LRMDA: variants seen among roughly 807,000 people sequenced by gnomAD.
LRMDA encodes the protein leucine rich melanocyte differentiation associated.
A neutral mutation model predicts 29.8 loss-of-function variants in LRMDA; 18 were observed. That is an observed-to-expected ratio of 0.60 (90% CI 0.42 to 0.90). The LOEUF is 0.90. Among genes scored for constraint, LRMDA ranks in the 40% least tolerant of loss-of-function variants. The pLI, the probability that LRMDA is intolerant of heterozygous loss-of-function variation, is 0.00. For synonymous variants in LRMDA, 125 were observed against 109.4 expected, an observed-to-expected ratio of 1.14 and a Z score of -0.89; for missense variants, 273 against 273.9, an observed-to-expected ratio of 1.00 and a Z score of 0.02.
intron 6 of LRMDA, among the ~76,000 whole-genome samples, chr10:76,418,921 G>A (rs1189011612): frequency 2.6e-5 from 4 of 151,924 alleles, no homozygotes; most frequent in African/African-American, 9.7e-5. Flanking sequence ...TTTTAAAATA[G>A]ACTTTATTTT....
intron 6 of LRMDA, among the ~76,000 whole-genome samples, chr10:76,376,921 T>G (rs1002673157): frequency 7.6e-6 from 1 of 131,846 alleles, no homozygotes; most frequent in Non-Finnish European, 1.5e-5. Context: ...AGTCTCGCTC[T>G]GTTGCCCAGG....
intron 6 of LRMDA, among the ~76,000 whole-genome samples, chr10:76,458,320 T>C (rs544131623): frequency 4.3e-4 from 65 of 152,296 alleles, no homozygotes; most frequent in African/African-American, 1.5e-3. Context: ...TTAATACTGT[T>C]TTCATTTCCA....
At chr10:76,180,141 GA>G (rs1016331768) in intron 5 of LRMDA, among the ~76,000 whole-genome samples, 2 of 151,506 alleles carry the variant, frequency 1.3e-5, no homozygotes, top group East Asian at 3.9e-4. Flanking sequence ...TGATGATAGG[GA>G]AAAAAAAGGC....
At chr10:75,620,281 C>T (rs1266085636) in intron 2 of LRMDA, among the ~76,000 whole-genome samples, 4 of 152,136 alleles carry the variant, frequency 2.6e-5, no homozygotes, top group Non-Finnish European at 1.5e-5. Context: ...AAAAGTTGTA[C>T]AATTCAGGCA....
At chr10:76,399,618 G>T (rs932159320) in intron 6 of LRMDA, among the ~76,000 whole-genome samples, 1 of 152,140 alleles carries the variant, frequency 6.6e-6, no homozygotes, top group African/African-American at 2.4e-5. Flanking sequence ...AGTATTCTAG[G>T]ATCTCGAATT....
At chr10:75,679,329 C>T (rs567340849) in intron 2 of LRMDA, among the ~76,000 whole-genome samples, 9 of 152,112 alleles carry the variant, frequency 5.9e-5, no homozygotes, top group South Asian at 2.1e-4. Context: ...TTCATTCCTG[C>T]GACCTCAGAG....
chr10:75,609,298 TTTG>T (rs1341759144), intron 2 of LRMDA, among the ~76,000 whole-genome samples: 3 of 152,194 alleles, frequency 2.0e-5, no homozygotes, highest in Non-Finnish European at 4.4e-5. Flanking sequence ...ACACTGTTAA[TTTG>T]TAGGGCTGTT....
chr10:76,084,047 G>A (rs752418554), intron 5 of LRMDA, among the ~76,000 whole-genome samples: 1 of 152,106 alleles, frequency 6.6e-6, no homozygotes, highest in Non-Finnish European at 1.5e-5. Context: ...ATTCATGAAC[G>A]GAGGAAGACT....
chr10:76,356,340 C>T (rs916323759), intron 6 of LRMDA, among the ~76,000 whole-genome samples: 3 of 152,106 alleles, frequency 2.0e-5, no homozygotes, highest in Non-Finnish European at 4.4e-5. Flanking sequence ...GTTTATTTAG[C>T]GAAGCAATAC....
At chr10:75,523,373 A>G (rs1194713786) in intron 2 of LRMDA, among the ~76,000 whole-genome samples, 1 of 152,198 alleles carries the variant, frequency 6.6e-6, no homozygotes, top group African/African-American at 2.4e-5. Flanking sequence ...CAGAGCAGCC[A>G]GTAATTACCA....
chr10:75,695,189 A>G (rs1369580817), intron 2 of LRMDA, among the ~76,000 whole-genome samples: 1 of 152,150 alleles, frequency 6.6e-6, no homozygotes, highest in Admixed American at 6.5e-5. Context: ...CCTTAAAGCA[A>G]GAAATACCCT....
chr10:75,753,165 C>A (rs1842988012), intron 2 of LRMDA, among the ~76,000 whole-genome samples: 1 of 152,096 alleles, frequency 6.6e-6, no homozygotes, highest in Non-Finnish European at 1.5e-5. Context: ...TAAAGCCCTA[C>A]AAAGCTGGAA....
intron 2 of LRMDA, among the ~76,000 whole-genome samples, chr10:75,810,908 C>T (rs1589214571): frequency 6.6e-6 from 1 of 152,192 alleles, no homozygotes; most frequent in African/African-American, 2.4e-5. Context: ...AAAGAATGTA[C>T]TATTGTATTC....
intron 6 of LRMDA, among the ~76,000 whole-genome samples, chr10:76,420,184 G>T (rs1197826509): frequency 6.6e-6 from 1 of 151,710 alleles, no homozygotes; most frequent in Non-Finnish European, 1.5e-5. Flanking sequence ...AAACTGTCTA[G>T]GCCTGGAGTT....
intron 5 of LRMDA, among the ~76,000 whole-genome samples, chr10:76,187,552 G>A (rs768187869): frequency 9.2e-5 from 14 of 152,174 alleles, no homozygotes; most frequent in Admixed American, 2.6e-4. Flanking sequence ...TTCCTCATCA[G>A]TAAAATGGGG....
intron 6 of LRMDA, among the ~76,000 whole-genome samples, chr10:76,374,124 G>T (rs1309595934): frequency 6.6e-6 from 1 of 152,062 alleles, no homozygotes; most frequent in Non-Finnish European, 1.5e-5. Flanking sequence ...TCACACTAAC[G>T]GATCATTCAT....
chr10:75,787,248 T>G (rs1355936964), intron 2 of LRMDA, among the ~76,000 whole-genome samples: 2 of 152,176 alleles, frequency 1.3e-5, no homozygotes, highest in African/African-American at 4.8e-5. Context: ...CCCTGCTGCC[T>G]GGGCAGGGGG....
rs1465135568 is a variant in LRMDA, at chr10:76,499,550, C to T, written c.602-57659C>T. On this transcript the variant is annotated intron_variant, in intron 6 of 6. Transcript: ENST00000611255. ...CATTATACTTTTATTTTTAACCTTT[C>T]ATTTTGAATTAATTTCACACTGTTG... Among the ~76,000 whole-genome samples the T allele has an allele frequency of 2.7e-5, 2 of 75,316 alleles. 1 individual carries two copies. Among genetic ancestry groups the T allele is most frequent in the African/African-American group, 6.4e-5 (2 of 31,028 alleles). 49.4% of individuals were successfully genotyped at this position (75,316 alleles called of 152,430 possible).
intron 5 of LRMDA, among the ~76,000 whole-genome samples, chr10:76,232,832 C>A (rs1232800168): frequency 6.6e-6 from 1 of 152,164 alleles, no homozygotes. Context: ...TGGGAAAGTC[C>A]CCTGTGTGTC....
Sources: allele counts gnomAD v4.1 joint callset (sites outside exome capture counted in the v4.1 genomes callset), GRCh38; gene constraint gnomAD v4.1.1; transcripts MANE v1.5; gene names NCBI Gene and HGNC (gene_info 2026-07-23, HGNC 2026-07-21).